The following GPRC6A variants were observed in gnomAD, a reference collection of about 807,000 sequenced individuals.
GPRC6A encodes the protein G protein-coupled receptor class C group 6 member A.
Under a neutral mutation model 47.0 loss-of-function variants are expected in GPRC6A, and 54 were observed. That is an observed-to-expected ratio of 1.15 (90% CI 0.92 to 1.44). GPRC6A has a LOEUF of 1.44. GPRC6A is among the 40% of genes most tolerant of loss of function. GPRC6A has a pLI of 0.00. For synonymous variants in GPRC6A, 347 were observed against 377.1 expected (o/e 0.92, Z 0.93); for missense variants, 1,112 against 1,105.5 (o/e 1.01, Z -0.08).
chr6:116,795,067 T>C (rs909694205), intron 5 of GPRC6A, among the ~76,000 whole-genome samples: 2 of 152,140 alleles, frequency 1.3e-5, no homozygotes, highest in Admixed American at 6.5e-5. Flanking sequence ...GTGCTCATAG[T>C]TTCTTTTTAG....
At chr6:116,820,001 A>T (rs978878374) in intron 1 of GPRC6A, among the ~76,000 whole-genome samples, 9 of 150,744 alleles carry the variant, frequency 6.0e-5, no homozygotes, top group African/African-American at 2.2e-4. Flanking sequence ...AATCAAATAG[A>T]TGCAATAAAA....
At chr6:116,816,992 G>A (rs1773240021) in intron 1 of GPRC6A, among the ~76,000 whole-genome samples, 1 of 152,260 alleles carries the variant, frequency 6.6e-6, no homozygotes, top group African/African-American at 2.4e-5. Flanking sequence ...GCTCGCTTAG[G>A]TAAACAAAGC....
intron 1 of GPRC6A, among the ~76,000 whole-genome samples, chr6:116,819,338 C>A (rs1188511596): frequency 2.0e-5 from 3 of 150,950 alleles, no homozygotes; most frequent in African/African-American, 7.3e-5. Flanking sequence ...GAATTGAACT[C>A]AGCTCTGCAC....
chr6:116,807,304 A>G (rs1772881005), intron 2 of GPRC6A, 98 bp from the exon 3 acceptor site: 1 of 716,376 alleles, frequency 1.4e-6, no homozygotes, highest in Admixed American at 2.4e-5. Context: ...AATTTTCATG[A>G]CTTTCCTTAA....
At chr6:116,802,228 A>C (rs7760125) in intron 3 of GPRC6A, among the ~76,000 whole-genome samples, 47,757 of 152,096 alleles carry the variant, frequency 0.31, 8,078 homozygotes, top group East Asian at 0.53. Flanking sequence ...GGGTGGAAGC[A>C]AATACAACAG....
In GPRC6A at chr6:116,806,944, A is replaced by G. The variant is rs140603319; in HGVS notation, c.761T>C (p.Ile254Thr). 260 of 1,613,656 alleles carry G rather than the reference A, an allele frequency of 1.6e-4. 1 individual carries two copies. In the African/African-American group the frequency reaches 2.6e-3, roughly 16 times the overall value. ...VLPAFLSDNTIEVRINRTLKK... is the reference protein window; with the variant it reads ...VLPAFLSDNTTEVRINRTLKK... ...CAGTGTCCGATTGATTCTGACTTCA[A>G]TGGTATTATCTGAAAGAAAGGCTGG... Residue 254 changes from isoleucine to threonine, a missense_variant, in exon 3 of 6, where the codon ATT (isoleucine) becomes ACT (threonine). Transcript: ENST00000310357.
chr6:116,792,185 C>G lies in GPRC6A; in HGVS notation c.2738G>C (p.Ser913Thr), dbSNP rs775848798. ...FAHICRENATSVSKTLPRKRM... is the reference protein window; with the variant it reads ...FAHICRENATTVSKTLPRKRM... ...TTTTCGAGGCAAAGTTTTAGATACACTTGTGGCATTTTCCCTGCATATGTG... is the reference window on the plus strand; with the variant it reads ...TTTTCGAGGCAAAGTTTTAGATACAGTTGTGGCATTTTCCCTGCATATGTG... The change falls in exon 6 of 6, where the codon AGT becomes ACT. Residue 913 changes from serine to threonine, a missense_variant. By Grantham distance (58) the Ser-to-Thr change is moderately conservative. Coordinates refer to ENST00000310357, the MANE Select transcript of GPRC6A (RefSeq NM_148963.4). The G allele has an allele frequency of 2.5e-6, 4 of 1,613,946 alleles. No individual in the cohort carries two copies. Among genetic ancestry groups the G allele is most frequent in the Non-Finnish European group, 3.4e-6 (4 of 1,179,886 alleles).
At chr6:116,824,863 T>C (rs1316077532) in intron 1 of GPRC6A, among the ~76,000 whole-genome samples, 2 of 152,014 alleles carry the variant, frequency 1.3e-5, no homozygotes, top group East Asian at 3.9e-4. Context: ...GTGAACAGAA[T>C]TCAACAGTGC....
Position 116,792,478 on chromosome 6 carries a change from A to G in GPRC6A, c.2445T>C (p.Ile815=). 1 of 1,613,826 alleles carries G rather than the reference A, an allele frequency of 6.2e-7. No individual in the cohort carries two copies. Among genetic ancestry groups the G allele is most frequent in the African/African-American group, 1.3e-5 (1 of 75,046 alleles). ...CATAGTTAGATATTAATATGACAAT[A>G]ATCTCCACAGCTGGTACATATTTGC... is the stretch of plus-strand genomic sequence containing the variant. ...TFGKYVPAVE[I]IVILISNYGI... The change falls in exon 6 of 6, where the codon ATT becomes ATC. Residue 815 remains isoleucine, a synonymous_variant. Coordinates refer to ENST00000310357, the MANE Select transcript of GPRC6A (RefSeq NM_148963.4).
chr6:116,803,813 G>A (rs951873366), intron 3 of GPRC6A, among the ~76,000 whole-genome samples: 1 of 152,018 alleles, frequency 6.6e-6, no homozygotes, highest in Non-Finnish European at 1.5e-5. Flanking sequence ...TTTGGAGAAT[G>A]TTCTCTGAAT....
chr6:116,823,372 C>T (rs560397374), intron 1 of GPRC6A, among the ~76,000 whole-genome samples: 11 of 152,246 alleles, frequency 7.2e-5, no homozygotes, highest in African/African-American at 2.2e-4. Context: ...TTTGCTAATG[C>T]ATAGCAAAGA....
intron 1 of GPRC6A, among the ~76,000 whole-genome samples, chr6:116,817,754 T>C (rs924812650): frequency 1.3e-5 from 2 of 152,120 alleles, no homozygotes; most frequent in African/African-American, 4.8e-5. Context: ...CAGGAGCCGA[T>C]GCGATCAACT....
chr6:116,824,282 A>C (rs977836304), intron 1 of GPRC6A, among the ~76,000 whole-genome samples: 30 of 152,106 alleles, frequency 2.0e-4, no homozygotes, highest in Non-Finnish European at 4.3e-4. Flanking sequence ...ACTAAAAAAA[A>C]CAAAGGATCA....
Position 116,828,827 on chromosome 6 carries a change from A to C in GPRC6A, c.187T>G (p.Cys63Gly), listed in dbSNP as rs1386008954. The change falls in exon 1 of 6, where the codon TGT (cysteine) becomes GGT (glycine). Residue 63 changes from cysteine to glycine, a missense_variant. By Grantham distance (159) the Cys-to-Gly change is radical (BLOSUM62 -3). Coordinates refer to ENST00000310357, the MANE Select transcript of GPRC6A (RefSeq NM_148963.4). ...TTTTTGAGACTTACTCACCCAACACACTCCTGGATTTGTGGTCGTCTGGGA... is the reference window on the plus strand; with the variant it reads ...TTTTTGAGACTTACTCACCCAACACCCTCCTGGATTTGTGGTCGTCTGGGA... The part of the protein sequence containing the change: ...DSPRRPQIQE[C>G]VGFEISVFLQ... The C allele has an allele frequency of 6.2e-7, 1 of 1,611,590 alleles. No homozygotes were observed. Among genetic ancestry groups the C allele is most frequent in the South Asian group, 1.1e-5 (1 of 90,700 alleles).
Position 116,806,642 on chromosome 6 carries a change from G to A in GPRC6A, c.1063C>T (p.His355Tyr), listed in dbSNP as rs748823684. ...GCAGATAAATGCATGGCATATTCAT[G>A]TAAGAGTTTGTGACTGTCACTGGGA... ...LLPSDSHKLL[H>Y]EYAMHLSACA... Residue 355 changes from histidine (H) to tyrosine (Y), a missense_variant, in exon 3 of 6, where the codon CAT becomes TAT. By Grantham distance (83) the His-to-Tyr change is moderately conservative. Transcript: ENST00000310357. The A allele has an allele frequency of 1.2e-6, 2 of 1,613,498 alleles. No homozygotes were observed. The highest frequency in any genetic ancestry group is 1.1e-5 in the South Asian group (1 of 91,070).
Position 116,792,373 on chromosome 6 carries a change from G to A in GPRC6A, c.2550C>T (p.Leu850=), listed in dbSNP as rs748089208. ...KQEINTKSAF[L]KMIYSYSSHS... The stretch of plus-strand genomic sequence containing the variant: ...GGGAAGAATAACTGTAGATCATCTT[G>A]AGAAAGGCAGACTTTGTGTTAATCT... The change falls in exon 6 of 6, where the codon CTC becomes CTT. Residue 850 remains leucine (L), a synonymous_variant. Transcript: ENST00000310357. 1 of 1,613,998 alleles carries A rather than the reference G, an allele frequency of 6.2e-7. No homozygotes were observed. Among genetic ancestry groups the A allele is most frequent in the South Asian group, 1.1e-5 (1 of 91,070 alleles).
intron 1 of GPRC6A, among the ~76,000 whole-genome samples, chr6:116,814,457 C>T (rs1582470136): frequency 1.3e-5 from 2 of 152,106 alleles, no homozygotes; most frequent in African/African-American, 4.8e-5. Context: ...TTTGTAGGGA[C>T]ATGGATGAAG....
At chr6:116,822,863 TA>T (rs578014770) in intron 1 of GPRC6A, among the ~76,000 whole-genome samples, 7 of 46,664 alleles carry the variant, frequency 1.5e-4, no homozygotes, top group African/African-American at 4.4e-4. Flanking sequence ...AGTATAATAA[TA>T]AAAAAAAAGA....
At chr6:116,802,737 A>G (rs1191383510) in intron 3 of GPRC6A, among the ~76,000 whole-genome samples, 3 of 152,136 alleles carry the variant, frequency 2.0e-5, no homozygotes, top group African/African-American at 7.2e-5. Context: ...ACCACGGGAC[A>G]GGTCTTTACT....
Sources: gnomAD v4.1 joint callset for allele counts (sites outside exome capture counted in the v4.1 genomes callset) on GRCh38, gnomAD v4.1.1 for gene constraint, MANE v1.5 for transcripts, NCBI Gene and HGNC (gene_info 2026-07-23, HGNC 2026-07-21) for gene names.